The following CTNNA3 variants were observed in gnomAD, a reference collection of about 807,000 sequenced individuals.
The protein encoded by CTNNA3 is catenin alpha-3.
A neutral mutation model predicts 95.7 loss-of-function variants in CTNNA3; 76 were observed. The ratio of observed to expected loss-of-function variants is 0.79; its 90% CI spans 0.66 to 0.96. The LOEUF is 0.96. CTNNA3 is among the 40% of genes least tolerant of loss of function. The probability of loss-of-function intolerance (pLI) is 0.00; values close to 1 mark genes in which losing one functional copy is unlikely to be tolerated. For missense variants in CTNNA3, 1,191 were observed against 1,089.8 expected (o/e 1.09, Z -1.31); for synonymous variants, 431 against 374.4 (o/e 1.15, Z -1.74).
intron 5 of CTNNA3, among the ~76,000 whole-genome samples, chr10:67,465,271 TAAC>T (rs1847544763): frequency 6.6e-6 from 1 of 152,088 alleles, no homozygotes; most frequent in African/African-American, 2.4e-5. Context: ...TTCTCCAGTC[TAAC>T]AACAAAACCA....
At chr10:66,918,325 G>A (rs987904448) in intron 7 of CTNNA3, among the ~76,000 whole-genome samples, 14 of 152,264 alleles carry the variant, frequency 9.2e-5, no homozygotes, top group East Asian at 1.9e-4. Flanking sequence ...GCCATTTAGC[G>A]CATTCCTGAA....
chr10:67,437,176 C>T (rs1224008590), intron 5 of CTNNA3, among the ~76,000 whole-genome samples: 1 of 152,056 alleles, frequency 6.6e-6, no homozygotes, highest in East Asian at 1.9e-4. Context: ...TTGCAGCGAC[C>T]TGGATGAGAT....
chr10:66,671,590 A>C lies in CTNNA3; in HGVS notation c.1282-49806T>G, dbSNP rs186989949. Among the ~76,000 whole-genome samples, 118 of 152,304 alleles carry C rather than the reference A, an allele frequency of 7.7e-4. 1 individual carries two copies. Among genetic ancestry groups the C allele is most frequent in the African/African-American group, 2.7e-3 (112 of 41,564 alleles). On this transcript the variant is annotated intron_variant, in intron 9 of 17. Coordinates refer to ENST00000433211, the MANE Select transcript of CTNNA3 (RefSeq NM_013266.4). ...TTACTTTTCTTGTTAAACCCTAAAT[A>C]GTTATAATAATTGTAATGAAAATGT...
chr10:67,375,371 C>T (rs1000217761), intron 5 of CTNNA3, among the ~76,000 whole-genome samples: 2 of 152,068 alleles, frequency 1.3e-5, no homozygotes, highest in African/African-American at 4.8e-5. Context: ...TTTGGGAAGC[C>T]GAGGTGGACA....
chr10:66,113,726 G>A (rs1006303120), intron 13 of CTNNA3, among the ~76,000 whole-genome samples: 11 of 152,140 alleles, frequency 7.2e-5, no homozygotes, highest in African/African-American at 2.7e-4. Context: ...ACTTTGTATT[G>A]TCAGCATATC....
chr10:65,982,468 G>C (rs951943662), intron 16 of CTNNA3, among the ~76,000 whole-genome samples: 2 of 151,114 alleles, frequency 1.3e-5, no homozygotes, highest in Admixed American at 6.6e-5. Context: ...ACTGAAAGTA[G>C]AACTATCATC....
chr10:66,297,796 G>A (rs1453485967), intron 12 of CTNNA3, among the ~76,000 whole-genome samples: 1 of 152,184 alleles, frequency 6.6e-6, no homozygotes. Context: ...CTATGGTGGA[G>A]CTACTGCGGG....
intron 11 of CTNNA3, among the ~76,000 whole-genome samples, chr10:66,465,537 T>C (rs1232019432): frequency 6.6e-6 from 1 of 152,158 alleles, no homozygotes; most frequent in African/African-American, 2.4e-5. Flanking sequence ...AATCTTACTG[T>C]ACATGAGGGC....
intron 13 of CTNNA3, among the ~76,000 whole-genome samples, chr10:66,262,520 G>A (rs2091035606): frequency 6.6e-6 from 1 of 151,840 alleles, no homozygotes; most frequent in Admixed American, 6.6e-5. Context: ...AGAACTTAAT[G>A]TATGACTTAT....
At chr10:67,745,114 A>T (rs1224565243) in intron 1 of CTNNA3, among the ~76,000 whole-genome samples, 4 of 152,214 alleles carry the variant, frequency 2.6e-5, no homozygotes, top group Admixed American at 6.5e-5. Context: ...TTCCTCAGGG[A>T]TCTAGAACTA....
intron 13 of CTNNA3, among the ~76,000 whole-genome samples, chr10:66,266,304 A>T (rs1033738459): frequency 6.6e-5 from 10 of 152,022 alleles, no homozygotes; most frequent in Admixed American, 2.0e-4. Flanking sequence ...CGTAGCTGAG[A>T]CCAGGATCAA....
intron 5 of CTNNA3, among the ~76,000 whole-genome samples, chr10:67,422,482 A>AT (rs1845780213): frequency 6.6e-6 from 1 of 152,100 alleles, no homozygotes; most frequent in Non-Finnish European, 1.5e-5. Context: ...CTTTTTTGTA[A>AT]TTTTAAGTTA....
intron 7 of CTNNA3, among the ~76,000 whole-genome samples, chr10:66,851,403 A>G (rs1481815912): frequency 6.6e-6 from 1 of 152,112 alleles, no homozygotes; most frequent in African/African-American, 2.4e-5. Context: ...TAAAATTGTC[A>G]AGTGATATAG....
At chr10:67,700,486 C>T (rs529561933), upstream of CTNNA3, among the ~76,000 whole-genome samples, 10 of 152,290 alleles carry the variant, frequency 6.6e-5, no homozygotes, top group East Asian at 1.2e-3. Flanking sequence ...CGCTGTTTTG[C>T]AATCTCCGCT....
At chr10:66,743,114 A>G (rs551123842) in intron 9 of CTNNA3, among the ~76,000 whole-genome samples, 2 of 152,292 alleles carry the variant, frequency 1.3e-5, no homozygotes, top group East Asian at 1.9e-4. Flanking sequence ...CCTTCTTGGT[A>G]TGATCACAGG....
At chr10:66,535,077 C>A (rs1486235299) in intron 10 of CTNNA3, among the ~76,000 whole-genome samples, 1 of 151,908 alleles carries the variant, frequency 6.6e-6, no homozygotes, top group South Asian at 2.1e-4. Flanking sequence ...CAGTGATGCA[C>A]TACTTATTGT....
chr10:67,281,887 G>A (rs1401910090), intron 5 of CTNNA3, among the ~76,000 whole-genome samples: 2 of 152,038 alleles, frequency 1.3e-5, no homozygotes, highest in Non-Finnish European at 2.9e-5. Flanking sequence ...AAGATCCTTG[G>A]ATTATGCTTC....
At chr10:66,030,381 T>C (rs1046946955) in intron 15 of CTNNA3, among the ~76,000 whole-genome samples, 1 of 151,722 alleles carries the variant, frequency 6.6e-6, no homozygotes, top group Non-Finnish European at 1.5e-5. Flanking sequence ...ATTGAAACAA[T>C]AGAGAAGCCA....
intron 17 of CTNNA3, among the ~76,000 whole-genome samples, chr10:65,923,517 A>G (rs1209864013): frequency 6.6e-6 from 1 of 152,234 alleles, no homozygotes; most frequent in Non-Finnish European, 1.5e-5. Flanking sequence ...CCCTTTTCAG[A>G]TGCATTCAAA....
Sources: gnomAD v4.1 joint callset for allele counts (sites outside exome capture counted in the v4.1 genomes callset) on GRCh38, gnomAD v4.1.1 for gene constraint, MANE v1.5 for transcripts, NCBI Gene and HGNC (gene_info 2026-07-23, HGNC 2026-07-21) for gene names.